The following BMP6 variants were observed in gnomAD, a reference collection of about 807,000 sequenced individuals.
BMP6 encodes bone morphogenetic protein 6.
Under a neutral mutation model 54.1 loss-of-function variants are expected in BMP6, and 17 were observed. The ratio of observed to expected loss-of-function variants is 0.31; its 90% CI spans 0.22 to 0.47. The LOEUF is 0.47. BMP6 is among the 20% of genes least tolerant of loss of function. The pLI is 1.00. For synonymous variants in BMP6, 328 were observed against 291.2 expected (o/e 1.13, Z -1.28); for missense variants, 720 against 690.4 (o/e 1.04, Z -0.48).
chr6:7,854,863 G>T (rs1759201387), intron 2 of BMP6, among the ~76,000 whole-genome samples: 1 of 152,220 alleles, frequency 6.6e-6, no homozygotes. Context: ...CACTAGTGAA[G>T]ATTAGAGTAT....
chr6:7,822,310 G>A lies in BMP6; in HGVS notation c.665-22830G>A, dbSNP rs114162191. Among the ~76,000 whole-genome samples the A allele has an allele frequency of 7.9e-3, 1,197 of 152,264 alleles. 13 individuals are homozygous for A. Among genetic ancestry groups the A allele is most frequent in the African/African-American group, 0.027 (1,126 of 41,562 alleles). On this transcript the variant is annotated intron_variant, in intron 1 of 6. Transcript: ENST00000283147. ...GTTGGGATTACAGGCGTGAGCCACC[G>A]CACCTGGGAAGGACTTTTAAGCAGC...
intron 1 of BMP6, among the ~76,000 whole-genome samples, chr6:7,787,223 T>C (rs1250949006): frequency 1.3e-5 from 2 of 152,184 alleles, no homozygotes; most frequent in Non-Finnish European, 2.9e-5. Flanking sequence ...TGATTTGTCT[T>C]CTGGCCAGTT....
intron 1 of BMP6, among the ~76,000 whole-genome samples, chr6:7,817,574 TGGCGTGG>T (rs1373988872): frequency 7.1e-5 from 3 of 42,526 alleles, no homozygotes; most frequent in South Asian, 1.8e-3. Flanking sequence ...GGGCCTGTCG[TGGCGTGG>T]GGGGTGGGGG....
At chr6:7,868,985 C>T (rs548941219) in intron 4 of BMP6, among the ~76,000 whole-genome samples, 2 of 152,232 alleles carry the variant, frequency 1.3e-5, no homozygotes, top group African/African-American at 4.8e-5. Context: ...CCCTTTGTTT[C>T]GCTGTCCTCC....
intron 5 of BMP6, 36 bp downstream of exon 5, chr6:7,879,186 C>A: frequency 6.3e-7 from 1 of 1,577,694 alleles, no homozygotes; most frequent in Non-Finnish European, 8.7e-7. Flanking sequence ...AAGGTCCTTT[C>A]TCAGCAGTTT....
chr6:7,779,218 TC>T (rs2113165812), intron 1 of BMP6, among the ~76,000 whole-genome samples: 1 of 152,330 alleles, frequency 6.6e-6, no homozygotes, highest in South Asian at 2.1e-4. Context: ...TATTGAAGTG[TC>T]CCCAGTGCCA....
chr6:7,857,287 G>A (rs572934962), intron 2 of BMP6, among the ~76,000 whole-genome samples: 192 of 152,162 alleles, frequency 1.3e-3, no homozygotes, highest in Admixed American at 4.3e-3. Flanking sequence ...AATTTGTTAA[G>A]AACCTCATTT....
At chr6:7,878,701 C>T (rs1759661483) in intron 4 of BMP6, among the ~76,000 whole-genome samples, 1 of 152,206 alleles carries the variant, frequency 6.6e-6, no homozygotes, top group Non-Finnish European at 1.5e-5. Context: ...CAAATCCTGC[C>T]TAGTAGCGTT....
At chr6:7,821,072 G>A (rs1046655481) in intron 1 of BMP6, among the ~76,000 whole-genome samples, 1 of 152,252 alleles carries the variant, frequency 6.6e-6, no homozygotes, top group South Asian at 2.1e-4. Flanking sequence ...CCCTGGGGTT[G>A]GGGACCCCTC....
intron 1 of BMP6, among the ~76,000 whole-genome samples, chr6:7,831,521 A>G (rs544229958): frequency 6.6e-6 from 1 of 152,338 alleles, no homozygotes; most frequent in South Asian, 2.1e-4. Context: ...ATTGCTTTGA[A>G]TTAAGGATGC....
chr6:7,781,152 T>C (rs570939359), intron 1 of BMP6, among the ~76,000 whole-genome samples: 1 of 152,258 alleles, frequency 6.6e-6, no homozygotes, highest in Non-Finnish European at 1.5e-5. Flanking sequence ...TTATTGAATA[T>C]TTAGTATTCA....
rs529818719 is a variant in BMP6 at position 7,762,096 on chromosome 6, A to G, written c.664+34477A>G. ...GCCACCATGTCTGGCTAATTTTTGT[A>G]TTTTTAGTAGAAATGGGGTTTCACC... On this transcript the variant is annotated intron_variant, in intron 1 of 6. Transcript: ENST00000283147. 2.6e-5 allele frequency among the ~76,000 whole-genome samples: 4 copies of G among 152,072 alleles called. No individual in the cohort carries two copies. In the South Asian group the frequency reaches 6.2e-4, roughly 24 times the overall value.
intron 1 of BMP6, among the ~76,000 whole-genome samples, chr6:7,744,426 A>G (rs1757317620): frequency 6.6e-6 from 1 of 152,134 alleles, no homozygotes; most frequent in African/African-American, 2.4e-5. Context: ...CAGTGAGCTG[A>G]GATCGCACCA....
At chr6:7,826,326 CT>C (rs1346199490) in intron 1 of BMP6, among the ~76,000 whole-genome samples, 1 of 152,160 alleles carries the variant, frequency 6.6e-6, no homozygotes, top group Non-Finnish European at 1.5e-5. Context: ...TGGCATACAC[CT>C]TTGATGTATT....
chr6:7,801,499 A>T (rs1240384051), intron 1 of BMP6, among the ~76,000 whole-genome samples: 2 of 152,230 alleles, frequency 1.3e-5, no homozygotes. Context: ...TAGTGATCAA[A>T]TGCTGAGGTC....
At chr6:7,816,598 C>T (rs1484433930) in intron 1 of BMP6, among the ~76,000 whole-genome samples, 1 of 152,144 alleles carries the variant, frequency 6.6e-6, no homozygotes, top group Non-Finnish European at 1.5e-5. Context: ...GAAGGGCTCT[C>T]AGTTAAAGCC....
chr6:7,749,143 C>A (rs905353441), intron 1 of BMP6, among the ~76,000 whole-genome samples: 2 of 152,178 alleles, frequency 1.3e-5, no homozygotes, highest in African/African-American at 4.8e-5. Flanking sequence ...TGTACCTCCA[C>A]CGGGGAGGGG....
At chr6:7,805,374 C>A (rs986397146) in intron 1 of BMP6, among the ~76,000 whole-genome samples, 1 of 152,192 alleles carries the variant, frequency 6.6e-6, no homozygotes, top group South Asian at 2.1e-4. Context: ...ATCTATTCAA[C>A]ACACACACGA....
chr6:7,773,096 A>G (rs1046623426), intron 1 of BMP6, among the ~76,000 whole-genome samples: 1 of 152,164 alleles, frequency 6.6e-6, no homozygotes, highest in Non-Finnish European at 1.5e-5. Flanking sequence ...CAGAAGAAAA[A>G]TGCTTAGATG....
Sources: allele counts gnomAD v4.1 joint callset (sites outside exome capture counted in the v4.1 genomes callset), GRCh38; gene constraint gnomAD v4.1.1; transcripts MANE v1.5; gene names NCBI Gene and HGNC (gene_info 2026-07-23, HGNC 2026-07-21).